The following SPOP variants were observed in gnomAD, a reference collection of about 807,000 sequenced individuals.
The protein encoded by SPOP is speckle type BTB/POZ protein.
In SPOP, 11 loss-of-function variants were observed where a neutral mutation model predicts 45.6. The ratio of observed to expected loss-of-function variants is 0.24; its 90% confidence interval spans 0.15 to 0.40. The LOEUF is 0.40. Among genes scored for constraint, SPOP ranks in the 10% least tolerant of loss-of-function variants. The probability of loss-of-function intolerance (pLI) is 1.00; values close to 1 mark genes in which losing one functional copy is unlikely to be tolerated. For synonymous variants in SPOP, 166 were observed against 166.3 expected, an observed-to-expected ratio of 1.00 and a Z score of 0.01; for missense variants, 152 against 465.6, an observed-to-expected ratio of 0.33 and a Z score of 6.20.
chr17:49,673,013 A>G lies in SPOP; in HGVS notation c.-67+4920T>C, dbSNP rs559990584. ...TTCTAGATTTAAAGAGACTAAAGAG[A>G]TATATTTGGAGGAAAAAAAGAAGTG... On this transcript the variant is annotated intron_variant, in intron 1 of 9. Coordinates refer to ENST00000504102, the MANE Select transcript of SPOP (RefSeq NM_001007228.2). 7.2e-5 allele frequency among the ~76,000 whole-genome samples: 11 copies of G among 152,224 alleles called. No homozygotes were observed. In the South Asian group the frequency reaches 2.3e-3, roughly 32 times the overall value.
At chr17:49,605,410 C>G (rs2071819325) in intron 8 of SPOP, among the ~76,000 whole-genome samples, 1 of 152,214 alleles carries the variant, frequency 6.6e-6, no homozygotes, top group Admixed American at 6.5e-5. Flanking sequence ...ACAGTATTGG[C>G]CAGCCATGGT....
intron 1 of SPOP, among the ~76,000 whole-genome samples, chr17:49,663,105 T>A (rs1326991962): frequency 6.6e-6 from 1 of 152,248 alleles, no homozygotes; most frequent in African/African-American, 2.4e-5. Context: ...GCGGCAGACC[T>A]TACCGACCCA....
At chr17:49,611,725 T>C (rs918739643) in intron 5 of SPOP, among the ~76,000 whole-genome samples, 3 of 152,014 alleles carry the variant, frequency 2.0e-5, no homozygotes, top group Admixed American at 2.0e-4. Context: ...AAGCTTCACC[T>C]CCCTTGGACT....
chr17:49,607,807 C>T lies in SPOP; in HGVS notation c.714+67G>A, dbSNP rs117356451. Reference sequence around the variant, plus strand: ...AGTAATTAGGAAAATGAATCTGCAGCTAAAGTGGGAAATCATCTGACTCTA... The same window carrying T: ...AGTAATTAGGAAAATGAATCTGCAGTTAAAGTGGGAAATCATCTGACTCTA... On this transcript the variant is annotated intron_variant, in intron 7 of 9. Transcript: ENST00000504102. 254 of 1,455,668 alleles carry T rather than the reference C, an allele frequency of 1.7e-4. 1 individual carries two copies. The highest frequency in any genetic ancestry group is 1.7e-4 in the Non-Finnish European group (181 of 1,052,658). The allele number at this position is 1,455,668 out of a possible 1,614,324, so 90.2% of individuals were successfully genotyped here.
intron 3 of SPOP, among the ~76,000 whole-genome samples, chr17:49,620,043 G>A (rs1188347960): frequency 1.3e-5 from 2 of 152,032 alleles, no homozygotes; most frequent in African/African-American, 2.4e-5. Flanking sequence ...GGTGGCAGGC[G>A]CCTGTAATCC....
At chr17:49,656,344 T>A (rs2072913462) in intron 1 of SPOP, among the ~76,000 whole-genome samples, 1 of 152,246 alleles carries the variant, frequency 6.6e-6, no homozygotes, top group Admixed American at 6.5e-5. Context: ...GAGACTTCAA[T>A]GTATCCAGTT....
chr17:49,624,008 C>T (rs2072271974), intron 1 of SPOP, among the ~76,000 whole-genome samples: 1 of 152,138 alleles, frequency 6.6e-6, no homozygotes, highest in Admixed American at 6.5e-5. Flanking sequence ...AAGCCTCAGA[C>T]CATTCTCCAA....
At chr17:49,675,322 A>C (rs1385507264) in intron 1 of SPOP, among the ~76,000 whole-genome samples, 1 of 152,254 alleles carries the variant, frequency 6.6e-6, no homozygotes, top group Non-Finnish European at 1.5e-5. Context: ...ACTACATGGA[A>C]TGATCACCAA....
chr17:49,607,184 C>G, intron 8 of SPOP, 66 bp downstream of exon 8: 1 of 1,605,302 alleles, frequency 6.2e-7, no homozygotes, highest in Non-Finnish European at 8.5e-7. Context: ...ACATAGAATC[C>G]TGTTCATGAA....
intron 1 of SPOP, among the ~76,000 whole-genome samples, chr17:49,623,659 G>C (rs1487445383): frequency 2.6e-5 from 4 of 152,114 alleles, no homozygotes; most frequent in Non-Finnish European, 5.9e-5. Context: ...CTGCTCTCTT[G>C]AAGGGGAATA....
intron 1 of SPOP, among the ~76,000 whole-genome samples, chr17:49,649,312 G>GGA (rs2072807415): frequency 6.8e-6 from 1 of 147,794 alleles, no homozygotes; most frequent in African/African-American, 2.5e-5. Flanking sequence ...CAAGGAGAGC[G>GGA]GACCACCTGA....
At chr17:49,623,950 T>G (rs192797944) in intron 1 of SPOP, among the ~76,000 whole-genome samples, 1 of 152,308 alleles carries the variant, frequency 6.6e-6, no homozygotes, top group African/African-American at 2.4e-5. Flanking sequence ...GTCAAATTTC[T>G]ACCTTTATAC....
intron 6 of SPOP, among the ~76,000 whole-genome samples, chr17:49,610,599 C>A (rs1442653888): frequency 6.6e-6 from 1 of 152,166 alleles, no homozygotes; most frequent in Non-Finnish European, 1.5e-5. Context: ...TGAGGTTTTA[C>A]CAGGTGTGTA....
At chr17:49,607,427 C>T in intron 7 of SPOP, 55 bp from the exon 8 acceptor site, 3 of 1,578,544 alleles carry the variant, frequency 1.9e-6, no homozygotes, top group Non-Finnish European at 2.6e-6. Flanking sequence ...AATCCCTAAA[C>T]TAAACTATTT....
At chr17:49,674,267 T>G (rs1200652310) in intron 1 of SPOP, among the ~76,000 whole-genome samples, 1 of 152,244 alleles carries the variant, frequency 6.6e-6, no homozygotes, top group Non-Finnish European at 1.5e-5. Flanking sequence ...TAGAATAGTT[T>G]GAGTAGAATT....
chr17:49,644,831 A>G, intron 1 of SPOP, among the ~76,000 whole-genome samples: 1 of 152,202 alleles, frequency 6.6e-6, no homozygotes, highest in Non-Finnish European at 1.5e-5. Flanking sequence ...ATACACACAT[A>G]CATACATACA....
chr17:49,656,451 A>G (rs1008383591), intron 1 of SPOP, among the ~76,000 whole-genome samples: 10 of 152,226 alleles, frequency 6.6e-5, no homozygotes, highest in Admixed American at 5.2e-4. Context: ...CCTCTGGGAC[A>G]TAACTCCCAT....
At chr17:49,604,248 A>G (rs2071792861) in intron 8 of SPOP, among the ~76,000 whole-genome samples, 1 of 152,196 alleles carries the variant, frequency 6.6e-6, no homozygotes, top group African/African-American at 2.4e-5. Flanking sequence ...GTCTCCATTA[A>G]AAGCAAGTTT....
chr17:49,667,892 A>G (rs1177733694), intron 1 of SPOP: 1 of 152,276 alleles, frequency 6.6e-6, no homozygotes, highest in African/African-American at 2.4e-5. Context: ...ATGCAATGGA[A>G]TATTATTCAG....
Sources: allele counts gnomAD v4.1 joint callset (sites outside exome capture counted in the v4.1 genomes callset), GRCh38; gene constraint gnomAD v4.1.1; transcripts MANE v1.5; gene names NCBI Gene and HGNC (gene_info 2026-07-23, HGNC 2026-07-21).